The following LSM14A variants were observed in gnomAD, a reference collection of about 807,000 sequenced individuals.
LSM14A encodes the protein LSM14A mRNA processing body assembly factor.
A neutral mutation model predicts 52.4 loss-of-function variants in LSM14A; 14 were observed. That is an observed-to-expected ratio of 0.27 (90% CI 0.18 to 0.42). The LOEUF (loss-of-function observed/expected upper bound fraction) is 0.42, where lower values mean the gene tolerates loss of function less well. Ranked by LOEUF, LSM14A falls within the 10% of genes least tolerant of loss-of-function variation. The pLI is 1.00. For synonymous variants in LSM14A, 185 were observed against 200.3 expected, an observed-to-expected ratio of 0.92 and a Z score of 0.64; for missense variants, 417 against 581.8, an observed-to-expected ratio of 0.72 and a Z score of 2.91.
At chr19:34,199,012 A>G (rs1252432634) in intron 3 of LSM14A, among the ~76,000 whole-genome samples, 1 of 152,216 alleles carries the variant, frequency 6.6e-6, no homozygotes, top group African/African-American at 2.4e-5. Flanking sequence ...AAAACCACAC[A>G]GAGGAAAAAA....
chr19:34,212,898 C>T (rs749482490), intron 4 of LSM14A, among the ~76,000 whole-genome samples: 4 of 152,076 alleles, frequency 2.6e-5, no homozygotes, highest in Non-Finnish European at 5.9e-5. Context: ...TTCTCAAAAG[C>T]CTTGATAAAG....
chr19:34,217,114 C>T (rs2072667353), intron 6 of LSM14A, among the ~76,000 whole-genome samples: 1 of 152,012 alleles, frequency 6.6e-6, no homozygotes, highest in Admixed American at 6.6e-5. Flanking sequence ...GAAAAATTAG[C>T]TGGGTGTGGT....
intron 1 of LSM14A, among the ~76,000 whole-genome samples, chr19:34,192,316 GTTGTTTTTTTTTT>G (rs1281413975): frequency 3.5e-4 from 23 of 65,784 alleles, no homozygotes; most frequent in Admixed American, 2.4e-3. Context: ...CATTCTTTTT[GTTGTTTTTTTTTT>G]TTTTTTTTTT....
chr19:34,211,944 GA>G (rs2072192091), intron 4 of LSM14A, among the ~76,000 whole-genome samples: 1 of 152,128 alleles, frequency 6.6e-6, no homozygotes, highest in Non-Finnish European at 1.5e-5. Flanking sequence ...GGACATATTT[GA>G]AAAATAAAAG....
intron 3 of LSM14A, among the ~76,000 whole-genome samples, chr19:34,203,781 C>A (rs2071477545): frequency 7.1e-6 from 1 of 141,446 alleles, no homozygotes. Flanking sequence ...CCAGCCTGAG[C>A]AACAGAGCGA....
intron 1 of LSM14A, among the ~76,000 whole-genome samples, chr19:34,182,910 C>T (rs76053931): frequency 0.029 from 4,401 of 151,576 alleles, 169 homozygotes; most frequent in African/African-American, 0.094. Flanking sequence ...ACCTCTGACA[C>T]GCCCTCCCTC....
chr19:34,226,221 G>A (rs188156648), intron 9 of LSM14A, among the ~76,000 whole-genome samples: 157 of 152,174 alleles, frequency 1.0e-3, no homozygotes, highest in African/African-American at 3.4e-3. Flanking sequence ...TGTCAGGGAG[G>A]TTAAGCCACC....
chr19:34,172,969 G>C (rs2068810843), intron 1 of LSM14A, among the ~76,000 whole-genome samples: 1 of 152,190 alleles, frequency 6.6e-6, no homozygotes, highest in Admixed American at 6.5e-5. Context: ...GAATGTCCGC[G>C]CCTGAAGCCC....
chr19:34,193,515 G>A (rs2070618822), intron 1 of LSM14A, among the ~76,000 whole-genome samples: 1 of 152,134 alleles, frequency 6.6e-6, no homozygotes, highest in African/African-American at 2.4e-5. Context: ...AAAAGATTCG[G>A]TAGAAATCTT....
chr19:34,186,050 TA>T (rs1468616347), intron 1 of LSM14A, among the ~76,000 whole-genome samples: 1 of 152,256 alleles, frequency 6.6e-6, no homozygotes, highest in Non-Finnish European at 1.5e-5. Context: ...GTAGCTTACT[TA>T]ATAGCTTTTT....
At chr19:34,183,052 A>G (rs575123762) in intron 1 of LSM14A, among the ~76,000 whole-genome samples, 1 of 151,876 alleles carries the variant, frequency 6.6e-6, no homozygotes, top group African/African-American at 2.4e-5. Flanking sequence ...TCACTCTTAT[A>G]TCATATTTTC....
rs574350417 is a variant in LSM14A, at chr19:34,217,033, G to T, written c.781+1372G>T. On this transcript the variant is annotated intron_variant, in intron 6 of 9. Coordinates refer to ENST00000544216, the MANE Select transcript of LSM14A (RefSeq NM_015578.4). ...TCTCAGCACTTTGGGACGCCGAGGC[G>T]GGCAGGTCACGAGGTCAGGAGTTTG... Among the ~76,000 whole-genome samples, 111 of 152,232 alleles carry T rather than the reference G, an allele frequency of 7.3e-4. 1 individual carries two copies. The highest frequency in any genetic ancestry group is 2.5e-3 in the South Asian group (12 of 4,828).
intron 1 of LSM14A, among the ~76,000 whole-genome samples, chr19:34,183,561 A>G (rs2069663925): frequency 6.6e-6 from 1 of 152,182 alleles, no homozygotes; most frequent in Admixed American, 6.5e-5. Context: ...AAAAAAAATA[A>G]ATAAATAAAT....
At chr19:34,189,047 A>G (rs2070153350) in intron 1 of LSM14A, among the ~76,000 whole-genome samples, 1 of 152,174 alleles carries the variant, frequency 6.6e-6, no homozygotes, top group South Asian at 2.1e-4. Flanking sequence ...TGCTTAGCCC[A>G]CTTGCTGGAC....
intron 9 of LSM14A, 29 bp from the exon 10 acceptor site, chr19:34,227,336 C>G: frequency 2.6e-6 from 4 of 1,525,342 alleles, no homozygotes; most frequent in Non-Finnish European, 3.6e-6. Flanking sequence ...TAATTTGGAA[C>G]ATGAGCTAAA....
chr19:34,199,640 C>T (rs554070260), intron 3 of LSM14A, among the ~76,000 whole-genome samples: 21 of 152,024 alleles, frequency 1.4e-4, no homozygotes, highest in African/African-American at 4.8e-4. Flanking sequence ...TAGCTCTGTT[C>T]GTAGAAAGGA....
At chr19:34,193,481 G>A (rs1294299602) in intron 1 of LSM14A, among the ~76,000 whole-genome samples, 1 of 152,174 alleles carries the variant, frequency 6.6e-6, no homozygotes, top group Non-Finnish European at 1.5e-5. Context: ...TTAAAATGCA[G>A]ATTTTTGGAC....
chr19:34,216,456 G>A (rs1023624344), intron 6 of LSM14A, among the ~76,000 whole-genome samples: 1 of 151,886 alleles, frequency 6.6e-6, no homozygotes, highest in African/African-American at 2.4e-5. Flanking sequence ...ATTCTACTTA[G>A]TGGTAGGCCT....
chr19:34,221,273 G>A (rs1568501736), intron 8 of LSM14A: 8 of 499,384 alleles, frequency 1.6e-5, no homozygotes, highest in Admixed American at 1.3e-4. Context: ...GGTAGAGAAT[G>A]AGTTTCACCA....
Sources: gnomAD v4.1 joint callset for allele counts (sites outside exome capture counted in the v4.1 genomes callset) on GRCh38, gnomAD v4.1.1 for gene constraint, MANE v1.5 for transcripts, NCBI Gene and HGNC (gene_info 2026-07-23, HGNC 2026-07-21) for gene names.